The following ME3 variants were observed in gnomAD, a reference collection of about 807,000 sequenced individuals.
The protein encoded by ME3 is NADP-dependent malic enzyme, mitochondrial.
Under a neutral mutation model 68.9 loss-of-function variants are expected in ME3, and 48 were observed. That is an observed-to-expected ratio of 0.70 (90% confidence interval 0.55 to 0.89). The LOEUF is 0.89. Among genes scored for constraint, ME3 ranks in the 40% least tolerant of loss-of-function variants. The pLI, the probability that ME3 is intolerant of heterozygous loss-of-function variation, is 0.00. For synonymous variants in ME3, 320 were observed against 318.8 expected, an observed-to-expected ratio of 1.00 and a Z score of -0.04; for missense variants, 675 against 797.4, an observed-to-expected ratio of 0.85 and a Z score of 1.85.
At chr11:86,555,594 C>A (rs1005527928) in intron 4 of ME3, among the ~76,000 whole-genome samples, 2 of 152,146 alleles carry the variant, frequency 1.3e-5, no homozygotes, top group African/African-American at 4.8e-5. Flanking sequence ...ATGTGCTATC[C>A]TTTGCCAACG....
intron 7 of ME3, among the ~76,000 whole-genome samples, chr11:86,485,458 G>A (rs959643494): frequency 6.6e-6 from 1 of 152,132 alleles, no homozygotes; most frequent in African/African-American, 2.4e-5. Context: ...CTCTATTAAT[G>A]CAGCTGACCC....
intron 6 of ME3, among the ~76,000 whole-genome samples, chr11:86,495,498 G>C (rs1057085044): frequency 2.0e-5 from 3 of 152,222 alleles, no homozygotes; most frequent in African/African-American, 7.2e-5. Flanking sequence ...CCTAAGGCCA[G>C]CTTTTAGAAG....
intron 5 of ME3, among the ~76,000 whole-genome samples, chr11:86,507,250 TTC>T (rs1342482176): frequency 1.3e-5 from 2 of 152,070 alleles, no homozygotes; most frequent in Non-Finnish European, 2.9e-5. Context: ...GAGGCCATGG[TTC>T]TCTCTTTGGC....
At chr11:86,601,752 A>G (rs1416410314) in intron 2 of ME3, among the ~76,000 whole-genome samples, 1 of 151,944 alleles carries the variant, frequency 6.6e-6, no homozygotes, top group African/African-American at 2.4e-5. Flanking sequence ...AAGCTTATCC[A>G]CCATGATCAA....
chr11:86,576,097 A>G (rs548262924), intron 2 of ME3, among the ~76,000 whole-genome samples: 1 of 152,366 alleles, frequency 6.6e-6, no homozygotes, highest in African/African-American at 2.4e-5. Context: ...ATTATATGTA[A>G]TAAGATATGC....
chr11:86,504,274 G>A (rs1952915285), intron 5 of ME3, among the ~76,000 whole-genome samples: 1 of 151,358 alleles, frequency 6.6e-6, no homozygotes. Flanking sequence ...CTGGAGAAAT[G>A]ACTTAGAACC....
chr11:86,451,690 T>A (rs898510730), intron 8 of ME3, among the ~76,000 whole-genome samples: 1 of 152,254 alleles, frequency 6.6e-6, no homozygotes, highest in Non-Finnish European at 1.5e-5. Flanking sequence ...CTGTCCTAAC[T>A]GGAGCAGATA....
intron 2 of ME3, among the ~76,000 whole-genome samples, chr11:86,592,100 G>T (rs1959097084): frequency 6.6e-6 from 1 of 152,194 alleles, no homozygotes; most frequent in South Asian, 2.1e-4. Flanking sequence ...CCTGAGAACT[G>T]GGACCACATT....
At chr11:86,474,597 A>C (rs933677858) in intron 7 of ME3, among the ~76,000 whole-genome samples, 6 of 152,174 alleles carry the variant, frequency 3.9e-5, no homozygotes, top group African/African-American at 1.4e-4. Flanking sequence ...CATGTATGTC[A>C]GCCCATATTT....
intron 2 of ME3, among the ~76,000 whole-genome samples, chr11:86,618,858 C>T (rs1565223568): frequency 6.6e-6 from 1 of 152,004 alleles, no homozygotes; most frequent in African/African-American, 2.4e-5. Context: ...ATTACAGGCA[C>T]ATGCCACCAC....
At chr11:86,661,197 G>A (rs1946252918) in intron 2 of ME3, among the ~76,000 whole-genome samples, 2 of 152,234 alleles carry the variant, frequency 1.3e-5, no homozygotes, top group African/African-American at 4.8e-5. Flanking sequence ...AAGGCCAAAT[G>A]TGGAAAGAGC....
At chr11:86,632,285 G>C (rs2135331234) in intron 2 of ME3, among the ~76,000 whole-genome samples, 1 of 152,240 alleles carries the variant, frequency 6.6e-6, no homozygotes, top group Non-Finnish European at 1.5e-5. Flanking sequence ...AGTTTGTGGG[G>C]AAGTAGTGGG....
At chr11:86,613,644 CA>C (rs1254495979) in intron 2 of ME3, among the ~76,000 whole-genome samples, 1 of 152,070 alleles carries the variant, frequency 6.6e-6, no homozygotes, top group East Asian at 1.9e-4. Flanking sequence ...AATCAATGTG[CA>C]AAAATCACAA....
At chr11:86,571,712 C>T (rs1228215378) in intron 2 of ME3, among the ~76,000 whole-genome samples, 2 of 152,262 alleles carry the variant, frequency 1.3e-5, no homozygotes, top group African/African-American at 4.8e-5. Context: ...TTGGGTCCGG[C>T]TCTGGCCACC....
chr11:86,526,682 G>A (rs989594113), intron 4 of ME3, among the ~76,000 whole-genome samples: 6 of 152,192 alleles, frequency 3.9e-5, no homozygotes, highest in East Asian at 1.9e-4. Flanking sequence ...CCAGAGGAAC[G>A]ATCAGGCAGC....
At chr11:86,649,487 T>G (rs1945253858) in intron 2 of ME3, among the ~76,000 whole-genome samples, 1 of 152,140 alleles carries the variant, frequency 6.6e-6, no homozygotes, top group African/African-American at 2.4e-5. Context: ...GAGAAAGAAA[T>G]AAAATATATT....
intron 7 of ME3, among the ~76,000 whole-genome samples, chr11:86,475,874 TAGAGAGAG>T (rs1555206746): frequency 4.4e-5 from 4 of 91,472 alleles, no homozygotes; most frequent in East Asian, 2.8e-4. Context: ...TATATATATA[TAGAGAGAG>T]AGAGAGAGAG....
chr11:86,481,170 T>C (rs928523168), intron 7 of ME3, among the ~76,000 whole-genome samples: 4 of 151,246 alleles, frequency 2.6e-5, no homozygotes, highest in African/African-American at 9.7e-5. Flanking sequence ...GCTTTCTAAG[T>C]AGCTGGCAAT....
At chr11:86,560,746 G>GTATATATATA (rs1456434091) in intron 2 of ME3, among the ~76,000 whole-genome samples, 2 of 90,258 alleles carry the variant, frequency 2.2e-5, no homozygotes, top group African/African-American at 4.8e-5. Context: ...GTGTGTGTGT[G>GTATATATATA]TGTATATATA....
Sources: gnomAD v4.1 joint callset for allele counts (sites outside exome capture counted in the v4.1 genomes callset) on GRCh38, gnomAD v4.1.1 for gene constraint, MANE v1.5 for transcripts, NCBI Gene and HGNC (gene_info 2026-07-23, HGNC 2026-07-21) for gene names.